BACE2: variants seen among roughly 807,000 people sequenced by gnomAD.
The protein encoded by BACE2 is beta-secretase 2.
In BACE2, 17 loss-of-function variants were observed where a neutral mutation model predicts 46.2. That is an observed-to-expected ratio of 0.37 (90% CI 0.25 to 0.55). The LOEUF (loss-of-function observed/expected upper bound fraction) is 0.55. Among genes scored for constraint, BACE2 ranks in the 20% least tolerant of loss-of-function variants. BACE2 has a pLI of 0.82. For synonymous variants in BACE2, 277 were observed against 295.9 expected, an observed-to-expected ratio of 0.94 and a Z score of 0.66; for missense variants, 595 against 698.1, an observed-to-expected ratio of 0.85 and a Z score of 1.66.
At chr21:41,230,940 C>T (rs752631385) in intron 2 of BACE2, among the ~76,000 whole-genome samples, 15 of 152,210 alleles carry the variant, frequency 9.9e-5, no homozygotes, top group Non-Finnish European at 1.9e-4. Context: ...TATACTCATC[C>T]CTTGACCCTC....
At chr21:41,265,578 T>C (rs1350499189) in intron 8 of BACE2, among the ~76,000 whole-genome samples, 1 of 152,222 alleles carries the variant, frequency 6.6e-6, no homozygotes, top group Non-Finnish European at 1.5e-5. Context: ...TTCTTTTCAA[T>C]GACTAAGGTC....
At chr21:41,232,496 G>A (rs1422061216) in intron 2 of BACE2, among the ~76,000 whole-genome samples, 2 of 152,242 alleles carry the variant, frequency 1.3e-5, no homozygotes, top group African/African-American at 4.8e-5. Context: ...GTGATTCCCA[G>A]TGTTGGACCT....
At position 41,275,463 on chromosome 21, in the gene BACE2, C is replaced by T; in HGVS notation, c.1396C>T (p.Pro466Ser). ...TGTCCCCGCTCAGTCTTTGAGCGAG[C>T]CCATTTTGTGGATTGTGTCCTATGC... Reference protein sequence around the residue: ...NCVPAQSLSEPILWIVSYALM... With the variant: ...NCVPAQSLSESILWIVSYALM... Residue 466 changes from proline (P) to serine (S), a missense_variant, in exon 9 of 9, where the codon CCC becomes TCC. Pro to Ser is a moderately conservative substitution (Grantham distance 74). Coordinates refer to ENST00000330333, the MANE Select transcript of BACE2 (RefSeq NM_012105.5). 6.2e-7 allele frequency: 1 copy of T among 1,614,150 alleles called. No individual in the cohort carries two copies. Among genetic ancestry groups the T allele is most frequent in the Non-Finnish European group, 8.5e-7 (1 of 1,180,028 alleles).
chr21:41,195,006 G>A (rs1297944805), intron 1 of BACE2, among the ~76,000 whole-genome samples: 1 of 152,224 alleles, frequency 6.6e-6, no homozygotes, highest in Non-Finnish European at 1.5e-5. Context: ...ACGGGTCAAG[G>A]CCTTCACCAT....
At chr21:41,179,074 C>T in intron 1 of BACE2, 1 of 1,164,680 alleles carries the variant, frequency 8.6e-7, no homozygotes, top group South Asian at 1.5e-5. Flanking sequence ...TTGAGGGTGT[C>T]AGGGTGAGGA....
chr21:41,230,197 G>A lies in BACE2; in HGVS notation c.401+3843G>A, dbSNP rs945245495. ...AGGTTTCTTCTTGGCTGAATCAGAT[G>A]TGACGCATCCCACTTCTGCGTTTGA... On this transcript the variant is annotated intron_variant, in intron 2 of 8. Transcript: ENST00000330333. 8 of 152,330 alleles carry A rather than the reference G, an allele frequency of 5.3e-5. No individual in the cohort carries two copies. The East Asian group carries it at 1.5e-3, about 29-fold the overall frequency. 9.4% of individuals were successfully genotyped at this position (152,330 alleles called of 1,614,324 possible). A position where few individuals can be genotyped will look rare whatever the true frequency, so the allele number is the denominator to read the frequency against.
intron 1 of BACE2, 116 bp downstream of exon 1, chr21:41,168,691 A>T: frequency 3.0e-6 from 2 of 669,338 alleles, no homozygotes; most frequent in South Asian, 7.4e-5. Context: ...GTCCCCGCAC[A>T]GAAGAGCGGG....
intron 8 of BACE2, among the ~76,000 whole-genome samples, chr21:41,270,529 A>C (rs1346677244): frequency 1.3e-5 from 2 of 152,064 alleles, no homozygotes; most frequent in African/African-American, 4.8e-5. Context: ...TGATCCTCCT[A>C]CCACCGTCGC....
intron 3 of BACE2, among the ~76,000 whole-genome samples, chr21:41,238,954 TAAAAAAAAAAAAAAAA>T (rs34474586): frequency 1.2e-5 from 1 of 85,658 alleles, no homozygotes; most frequent in African/African-American, 4.6e-5. Context: ...AAAGTATAAT[TAAAAAAAAAAAAAAAA>T]AAAAAAAAAG....
intron 3 of BACE2, among the ~76,000 whole-genome samples, chr21:41,238,954 TAAAAAAAAA>T (rs34474586): frequency 1.2e-5 from 1 of 85,656 alleles, no homozygotes; most frequent in Non-Finnish European, 2.2e-5. Flanking sequence ...AAAGTATAAT[TAAAAAAAAA>T]AAAAAAAAAA....
chr21:41,205,395 T>C (rs1340221698), intron 1 of BACE2, among the ~76,000 whole-genome samples: 1 of 152,238 alleles, frequency 6.6e-6, no homozygotes, highest in African/African-American at 2.4e-5. Flanking sequence ...AGTTATAAGA[T>C]GGTTACTCCT....
intron 1 of BACE2, among the ~76,000 whole-genome samples, chr21:41,212,337 A>G (rs184779026): frequency 9.8e-5 from 15 of 152,290 alleles, no homozygotes; most frequent in Middle Eastern, 3.4e-3. Flanking sequence ...CTCATGATCT[A>G]ATTGCCTCCC....
chr21:41,255,563 C>G (rs1987758712), intron 7 of BACE2, among the ~76,000 whole-genome samples: 1 of 152,172 alleles, frequency 6.6e-6, no homozygotes, highest in Non-Finnish European at 1.5e-5. Flanking sequence ...GGGGCACTTC[C>G]CGCCCTATGG....
At position 41,269,492 on chromosome 21, in the gene BACE2, A is replaced by G. The variant is rs192365870; in HGVS notation, c.1304-5879A>G. 3.9e-3 allele frequency among the ~76,000 whole-genome samples: 601 copies of G among 152,264 alleles called. 15 individuals carry two copies. The highest frequency in any genetic ancestry group is 7.2e-4 in the Non-Finnish European group (49 of 68,020). ...CACTGAGCTGTTTTCCCTGCCTCCC[A>G]GGTCCTGTGGACCCCATGCCATTCC... On this transcript the variant is annotated intron_variant, in intron 8 of 8. Coordinates refer to ENST00000330333, the MANE Select transcript of BACE2 (RefSeq NM_012105.5).
intron 1 of BACE2, among the ~76,000 whole-genome samples, chr21:41,212,791 C>T (rs926568054): frequency 2.0e-5 from 3 of 152,150 alleles, no homozygotes; most frequent in Non-Finnish European, 2.9e-5. Context: ...GAAGTGAGTG[C>T]CCAAGGAATA....
In BACE2 at chr21:41,275,759, C is replaced by A. The variant is rs1366000622; in HGVS notation, c.*135C>A. On this transcript the variant is annotated 3_prime_UTR_variant, in exon 9 of 9. Transcript: ENST00000330333. Reference sequence around the variant, plus strand: ...TCAATCTCTGTTCTGCTCCCAGATGCCTTCTAGATTCACTGTCTTTTGATT... The same window carrying A: ...TCAATCTCTGTTCTGCTCCCAGATGACTTCTAGATTCACTGTCTTTTGATT... The A allele has an allele frequency of 3.0e-6, 3 of 991,782 alleles. No homozygotes were observed. Among genetic ancestry groups the A allele is most frequent in the South Asian group, 1.7e-5 (1 of 57,372 alleles). 61.4% of individuals were successfully genotyped at this position (991,782 alleles called of 1,614,324 possible). A position where few individuals can be genotyped will look rare whatever the true frequency, so the allele number is the denominator to read the frequency against.
intron 1 of BACE2, among the ~76,000 whole-genome samples, chr21:41,211,822 C>T (rs1258223231): frequency 1.3e-5 from 2 of 152,232 alleles, no homozygotes; most frequent in Admixed American, 6.5e-5. Context: ...CCCAGTTTTT[C>T]CCTTTAATGC....
chr21:41,249,599 T>TTC (rs1358438639), intron 6 of BACE2, among the ~76,000 whole-genome samples: 1 of 152,190 alleles, frequency 6.6e-6, no homozygotes, highest in Non-Finnish European at 1.5e-5. Context: ...CCGCAGCATC[T>TTC]TCTGCAGCAC....
intron 8 of BACE2, among the ~76,000 whole-genome samples, chr21:41,266,383 G>T (rs1370299898): frequency 6.6e-6 from 1 of 152,176 alleles, no homozygotes; most frequent in Admixed American, 6.5e-5. Flanking sequence ...TTTTTGTTGT[G>T]AGCTTATATT....
Sources: allele counts gnomAD v4.1 joint callset (sites outside exome capture counted in the v4.1 genomes callset), GRCh38; gene constraint gnomAD v4.1.1; transcripts MANE v1.5; gene names NCBI Gene and HGNC (gene_info 2026-07-23, HGNC 2026-07-21).